Variants in BMPR1B observed in about 807,000 individuals in gnomAD.
BMPR1B encodes the protein bone morphogenetic protein receptor type 1B, also known as bone morphogenetic protein receptor type-1B.
In BMPR1B, 12 loss-of-function variants were observed where a neutral mutation model predicts 59.1. The observed-to-expected ratio is 0.20, with a 90% confidence interval of 0.13 to 0.33. The LOEUF (loss-of-function observed/expected upper bound fraction) is 0.33, where lower values mean the gene tolerates loss of function less well. Ranked by LOEUF, BMPR1B falls within the 10% of genes least tolerant of loss-of-function variation. The pLI, the probability that BMPR1B is intolerant of heterozygous loss-of-function variation, is 1.00. For synonymous variants in BMPR1B, 237 were observed against 207.3 expected (o/e 1.14, Z -1.23); for missense variants, 550 against 610.9 (o/e 0.90, Z 1.05).
At chr4:94,894,697 T>G (rs1727522849) in intron 2 of BMPR1B, among the ~76,000 whole-genome samples, 1 of 151,506 alleles carries the variant, frequency 6.6e-6, no homozygotes, top group African/African-American at 2.4e-5. Flanking sequence ...ATCATTTTTC[T>G]AAAAGGGAAT....
intron 7 of BMPR1B, among the ~76,000 whole-genome samples, 177 bp downstream of exon 7, chr4:95,124,083 A>G (rs1019781806): frequency 2.6e-5 from 4 of 152,090 alleles, no homozygotes; most frequent in African/African-American, 9.7e-5. Context: ...GAAGTTACAA[A>G]TAGATACCTA....
intron 2 of BMPR1B, among the ~76,000 whole-genome samples, chr4:94,973,496 C>G (rs1002541138): frequency 3.3e-5 from 5 of 152,200 alleles, no homozygotes; most frequent in Non-Finnish European, 7.3e-5. Flanking sequence ...TCCGAAGTTA[C>G]ACTGTCAAGC....
At chr4:94,846,369 G>A (rs968250573) in intron 1 of BMPR1B, among the ~76,000 whole-genome samples, 3 of 152,192 alleles carry the variant, frequency 2.0e-5, no homozygotes, top group Admixed American at 6.5e-5. Context: ...GATCCTGGGT[G>A]TGTCTGTGAG....
intron 4 of BMPR1B, among the ~76,000 whole-genome samples, chr4:95,107,888 T>C (rs1002534161): frequency 2.0e-5 from 3 of 152,052 alleles, no homozygotes; most frequent in Admixed American, 2.0e-4. Flanking sequence ...ATCAGTCATA[T>C]GTGACTCACA....
intron 1 of BMPR1B, among the ~76,000 whole-genome samples, chr4:94,773,871 T>C (rs1050100733): frequency 3.3e-5 from 5 of 152,082 alleles, no homozygotes; most frequent in Non-Finnish European, 7.4e-5. Flanking sequence ...TGAAGTGTTA[T>C]GCAGTTGAAC....
chr4:95,034,763 A>G (rs370695070), intron 3 of BMPR1B, among the ~76,000 whole-genome samples: 2 of 150,888 alleles, frequency 1.3e-5, no homozygotes, highest in South Asian at 4.2e-4. Context: ...TTTTTCATAT[A>G]ATAACTTTTT....
At chr4:95,002,202 T>G (rs535656796) in intron 3 of BMPR1B, among the ~76,000 whole-genome samples, 1 of 152,312 alleles carries the variant, frequency 6.6e-6, no homozygotes, top group East Asian at 1.9e-4. Context: ...TTGCCAATGT[T>G]TAGCTGCTAC....
At chr4:94,872,334 C>A (rs556380960) in intron 1 of BMPR1B, among the ~76,000 whole-genome samples, 1 of 152,134 alleles carries the variant, frequency 6.6e-6, no homozygotes, top group Admixed American at 6.5e-5. Context: ...ACCCTCTAAA[C>A]ATATAAAAAT....
At chr4:94,772,018 AAG>A (rs1722205024) in intron 1 of BMPR1B, among the ~76,000 whole-genome samples, 1 of 152,230 alleles carries the variant, frequency 6.6e-6, no homozygotes, top group South Asian at 2.1e-4. Context: ...AACCTTCAAG[AAG>A]AGTTTCATCT....
chr4:95,105,573 T>G (rs1731143872), intron 4 of BMPR1B, among the ~76,000 whole-genome samples: 1 of 151,976 alleles, frequency 6.6e-6, no homozygotes, highest in Admixed American at 6.6e-5. Flanking sequence ...CCAAGAACCT[T>G]GTATATTTAG....
intron 1 of BMPR1B, among the ~76,000 whole-genome samples, chr4:94,813,803 C>G (rs1471007090): frequency 2.6e-5 from 4 of 152,022 alleles, no homozygotes; most frequent in African/African-American, 7.2e-5. Flanking sequence ...TGGTCACATT[C>G]AGACTGTATG....
intron 2 of BMPR1B, among the ~76,000 whole-genome samples, chr4:94,963,240 A>G (rs1730438970): frequency 6.6e-6 from 1 of 152,234 alleles, no homozygotes; most frequent in East Asian, 1.9e-4. Context: ...TCTTCTGGTT[A>G]TTAATCCCTT....
intron 1 of BMPR1B, among the ~76,000 whole-genome samples, chr4:94,768,457 A>G (rs1056691628): frequency 7.2e-5 from 11 of 152,138 alleles, no homozygotes; most frequent in Admixed American, 1.3e-4. Context: ...ACAATATAGG[A>G]ATGTTCATTT....
chr4:94,933,337 T>C (rs1729166973), intron 2 of BMPR1B, among the ~76,000 whole-genome samples: 1 of 152,146 alleles, frequency 6.6e-6, no homozygotes, highest in Non-Finnish European at 1.5e-5. Flanking sequence ...GTTTCAGTTT[T>C]TACTATTATA....
At chr4:94,835,079 T>C (rs1724750544) in intron 1 of BMPR1B, among the ~76,000 whole-genome samples, 1 of 152,080 alleles carries the variant, frequency 6.6e-6, no homozygotes, top group African/African-American at 2.4e-5. Flanking sequence ...TTAGTGGTTA[T>C]AGGAGTTATC....
intron 1 of BMPR1B, among the ~76,000 whole-genome samples, chr4:94,798,449 C>G (rs917411986): frequency 6.6e-6 from 1 of 152,242 alleles, no homozygotes; most frequent in Non-Finnish European, 1.5e-5. Context: ...GTATCCCTTA[C>G]TCTCAGTTAC....
intron 2 of BMPR1B, among the ~76,000 whole-genome samples, chr4:94,971,793 A>G (rs1164340541): frequency 1.3e-5 from 2 of 151,992 alleles, no homozygotes; most frequent in South Asian, 2.1e-4. Context: ...AAGTTTGGAC[A>G]GTTTATTTCT....
intron 3 of BMPR1B, among the ~76,000 whole-genome samples, chr4:95,016,663 C>T (rs892641529): frequency 6.6e-6 from 1 of 152,106 alleles, no homozygotes; most frequent in South Asian, 2.1e-4. Flanking sequence ...AAAGTATTTG[C>T]GAAGTGTTTT....
intron 3 of BMPR1B, among the ~76,000 whole-genome samples, chr4:95,050,965 A>T (rs1726457315): frequency 6.6e-6 from 1 of 152,230 alleles, no homozygotes; most frequent in Non-Finnish European, 1.5e-5. Flanking sequence ...AAATCTAAAA[A>T]GTGGAAAAAC....
Sources: gnomAD v4.1 joint callset for allele counts (sites outside exome capture counted in the v4.1 genomes callset) on GRCh38, gnomAD v4.1.1 for gene constraint, MANE v1.5 for transcripts, NCBI Gene and HGNC (gene_info 2026-07-23, HGNC 2026-07-21) for gene names.